The following KIF18B variants were observed in gnomAD, a reference collection of about 807,000 sequenced individuals.
KIF18B encodes the protein kinesin family member 18B.
In KIF18B, 49 loss-of-function variants were observed where a neutral mutation model predicts 80.9. The ratio of observed to expected loss-of-function variants is 0.61; its 90% CI spans 0.48 to 0.77. The LOEUF (loss-of-function observed/expected upper bound fraction) is 0.77, where lower values mean the gene tolerates loss of function less well. KIF18B is among the 30% of genes least tolerant of loss of function. The pLI is 0.00. For synonymous variants in KIF18B, 439 were observed against 463.9 expected, an observed-to-expected ratio of 0.95 and a Z score of 0.69; for missense variants, 994 against 1,127.7, an observed-to-expected ratio of 0.88 and a Z score of 1.70.
chr17:44,926,683 A>G (rs1435408617), intron 14 of KIF18B, among the ~76,000 whole-genome samples, 184 bp from the exon 15 acceptor site: 1 of 152,182 alleles, frequency 6.6e-6, no homozygotes, highest in African/African-American at 2.4e-5. Flanking sequence ...TTGGGGACAC[A>G]AGAGGGAAGT....
chr17:44,944,756 T>C (rs1260250905), intron 1 of KIF18B, among the ~76,000 whole-genome samples: 2 of 152,200 alleles, frequency 1.3e-5, no homozygotes, highest in Non-Finnish European at 2.9e-5. Flanking sequence ...AATTCCTCAA[T>C]GGAATAGTCC....
chr17:44,932,816 A>C (rs751410372), intron 8 of KIF18B, 43 bp from the exon 9 acceptor site: 1 of 1,582,398 alleles, frequency 6.3e-7, no homozygotes, highest in Non-Finnish European at 8.6e-7. Flanking sequence ...CCAGCTAAGC[A>C]CAGGAGGGGA....
At chr17:44,941,886 C>T (rs1015745597) in intron 1 of KIF18B, among the ~76,000 whole-genome samples, 4 of 152,166 alleles carry the variant, frequency 2.6e-5, no homozygotes, top group Admixed American at 6.5e-5. Context: ...TCTCTCCTCC[C>T]GCCTCCTGAG....
chr17:44,926,235 T>A (rs1322438814), intron 15 of KIF18B, 49 bp from the exon 16 acceptor site: 2 of 1,609,488 alleles, frequency 1.2e-6, no homozygotes, highest in Admixed American at 3.4e-5. Flanking sequence ...GGAAGGAAAG[T>A]GACGCTCTGT....
intron 8 of KIF18B, 35 bp downstream of exon 8, chr17:44,932,876 CG>C (rs1597881556): frequency 1.3e-6 from 2 of 1,589,526 alleles, no homozygotes; most frequent in East Asian, 4.5e-5. Context: ...CTCTGGCTGT[CG>C]GCCCTCCAGC....
At position 44,936,325 on chromosome 17, in the gene KIF18B, G is replaced by A. The variant is rs757611142; in HGVS notation, c.20C>T (p.Thr7Met). MAVEDS[T>M]LQVVVRVRPP... ...CCGCACCCGTACCACTACTTGCAGC[G>A]TGCTGTCCTCCACTGCCATCACTGT... The change falls in exon 2 of 16, where the codon ACG becomes ATG. Residue 7 changes from threonine (T) to methionine (M), a missense_variant. Coordinates refer to ENST00000593135, the MANE Select transcript of KIF18B (RefSeq NM_001265577.2). 1.6e-5 allele frequency: 25 copies of A among 1,606,698 alleles called. No homozygotes were observed. The South Asian group carries it at 2.0e-4, about 13-fold the overall frequency.
At position 44,927,163 on chromosome 17, in the gene KIF18B, G is replaced by T. The variant is rs946704754; in HGVS notation, c.2277-85C>A. On this transcript the variant is annotated intron_variant, in intron 13 of 15. Coordinates refer to ENST00000593135, the MANE Select transcript of KIF18B (RefSeq NM_001265577.2). This position sits in a 1 kb window ranked among gnomAD's most constrained non-coding sequence, Gnocchi z 4.1. ...ACTTCCTCCCTCCAGCCCCCAGCTC[G>T]GGCATGGGGGAGGGTGGTTGGACAA... 1.0e-6 allele frequency: 1 copy of T among 997,498 alleles called. No homozygotes were observed. The highest frequency in any genetic ancestry group is 2.6e-5 in the East Asian group (1 of 38,852). The allele number at this position is 997,498 out of a possible 1,614,324, so 61.8% of individuals were successfully genotyped here.
chr17:44,926,269 AC>A, intron 15 of KIF18B, 83 bp from the exon 16 acceptor site: 1 of 1,590,220 alleles, frequency 6.3e-7, no homozygotes, highest in Admixed American at 1.8e-5. Context: ...CCCACCTCCC[AC>A]CTGTCTCATC....
chr17:44,943,426 A>T (rs1273276039), intron 1 of KIF18B, among the ~76,000 whole-genome samples: 2 of 152,046 alleles, frequency 1.3e-5, no homozygotes, highest in Non-Finnish European at 2.9e-5. Context: ...ATAGACAATC[A>T]TAAGGCTGTA....
chr17:44,929,539 C>A (rs556052596), intron 11 of KIF18B, among the ~76,000 whole-genome samples: 1 of 152,296 alleles, frequency 6.6e-6, no homozygotes, highest in South Asian at 2.1e-4. Flanking sequence ...TCTCCACAAC[C>A]TTAGAATGGG....
rs2052045757 is a variant in KIF18B at position 44,927,105 on chromosome 17, C to T, written c.2277-27G>A. 1.3e-6 allele frequency: 2 copies of T among 1,564,614 alleles called. No homozygotes were observed. Among genetic ancestry groups the T allele is most frequent in the Non-Finnish European group, 8.7e-7 (1 of 1,147,630 alleles). ...TGGGGAGGGAGGACAGGGAAGGAGG[C>T]TGATCAGCAGGGAACCGGAAGCAAG... is the stretch of plus-strand genomic sequence containing the variant. On this transcript the variant is annotated intron_variant, in intron 13 of 15. Coordinates refer to ENST00000593135, the MANE Select transcript of KIF18B (RefSeq NM_001265577.2). This position sits in a 1 kb window ranked among gnomAD's most constrained non-coding sequence, Gnocchi z 4.1.
intron 1 of KIF18B, among the ~76,000 whole-genome samples, chr17:44,943,688 GA>G (rs1473248877): frequency 1.3e-5 from 2 of 152,002 alleles, no homozygotes; most frequent in Non-Finnish European, 2.9e-5. Flanking sequence ...GAACTTTATT[GA>G]ATTCTATTTT....
At chr17:44,929,840 A>G (rs2052109878) in intron 11 of KIF18B, among the ~76,000 whole-genome samples, 1 of 152,226 alleles carries the variant, frequency 6.6e-6, no homozygotes, top group South Asian at 2.1e-4. Context: ...GGCGTATTTC[A>G]CAGGCACTGG....
intron 1 of KIF18B, among the ~76,000 whole-genome samples, chr17:44,942,152 A>C (rs903055426): frequency 6.6e-6 from 1 of 152,178 alleles, no homozygotes; most frequent in Non-Finnish European, 1.5e-5. Context: ...GGGGATGGGG[A>C]GATTAATGAG....
At chr17:44,936,789 G>A (rs1298657692) in intron 1 of KIF18B, among the ~76,000 whole-genome samples, 1 of 150,142 alleles carries the variant, frequency 6.7e-6, no homozygotes, top group Non-Finnish European at 1.5e-5. Flanking sequence ...ACAGGTGTGT[G>A]CCACCATGCC....
rs1202738483 is a variant in KIF18B, at chr17:44,925,218, A to C, written c.*862T>G. The C allele has an allele frequency of 6.6e-6, 1 of 152,432 alleles. No homozygotes were observed. Among genetic ancestry groups the C allele is most frequent in the African/African-American group, 2.4e-5 (1 of 41,462 alleles). 9.4% of individuals were successfully genotyped at this position (152,432 alleles called of 1,614,324 possible). On this transcript the variant is annotated 3_prime_UTR_variant, in exon 16 of 16. Coordinates refer to ENST00000593135, the MANE Select transcript of KIF18B (RefSeq NM_001265577.2). ...GTAATCCCAGCACTTTGGGAGGCCG[A>C]GGCGGGTGGATCATGAGGTCAGATC...
chr17:44,932,143 C>T lies in KIF18B; in HGVS notation c.1302G>A (p.Met434Ile), dbSNP rs1426388243. 2 of 1,613,822 alleles carry T rather than the reference C, an allele frequency of 1.2e-6. No homozygotes were observed. Among genetic ancestry groups the T allele is most frequent in the African/African-American group, 1.3e-5 (1 of 75,050 alleles). ...PRALQEESLG[M>I]EAQVERAMEG... ...CCATGGCCCTCTCCACCTGGGCCTC[C>T]ATCCCCAGACTCTCCTCTTGAAGGG... Residue 434 changes from methionine to isoleucine, a missense_variant, in exon 10 of 16, where the codon ATG becomes ATA. By Grantham distance (10) the Met-to-Ile change is conservative. Transcript: ENST00000593135.
intron 1 of KIF18B, among the ~76,000 whole-genome samples, chr17:44,939,855 C>T (rs1567798652): frequency 2.0e-5 from 3 of 152,138 alleles, no homozygotes; most frequent in Non-Finnish European, 4.4e-5. Context: ...CGCTATCGCC[C>T]AGGCTGGAGT....
At chr17:44,928,603 T>C (rs1384822243) in intron 12 of KIF18B, 25 bp from the exon 13 acceptor site, 1 of 1,444,558 alleles carries the variant, frequency 6.9e-7, no homozygotes, top group Non-Finnish European at 9.0e-7. Context: ...GGAGAGTTTG[T>C]AGAACTTGGG....
Sources: allele counts gnomAD v4.1 joint callset (sites outside exome capture counted in the v4.1 genomes callset), GRCh38; gene constraint gnomAD v4.1.1; non-coding constraint Gnocchi (gnomAD v3.1); transcripts MANE v1.5; gene names NCBI Gene and HGNC (gene_info 2026-07-23, HGNC 2026-07-21).